SLC7A2: variants seen among roughly 807,000 people sequenced by gnomAD.
SLC7A2 encodes the protein solute carrier family 7 member 2.
Under a neutral mutation model 58.9 loss-of-function variants are expected in SLC7A2, and 48 were observed. The ratio of observed to expected loss-of-function variants is 0.82; its 90% confidence interval spans 0.65 to 1.04. The LOEUF (loss-of-function observed/expected upper bound fraction) is 1.04, where lower values mean the gene tolerates loss of function less well. Among genes scored for constraint, SLC7A2 ranks in the 50% least tolerant of loss-of-function variants. The pLI, the probability that SLC7A2 is intolerant of heterozygous loss-of-function variation, is 0.00. For missense variants in SLC7A2, 1,029 were observed against 818.8 expected (o/e 1.26, Z -3.13); for synonymous variants, 363 against 314.5 (o/e 1.15, Z -1.63).
chr8:17,532,588 T>C (rs1363964132), intron 2 of SLC7A2, among the ~76,000 whole-genome samples: 1 of 152,132 alleles, frequency 6.6e-6, no homozygotes, highest in Non-Finnish European at 1.5e-5. Context: ...AGCTAATAAG[T>C]TGAATTCAGT....
intron 2 of SLC7A2, among the ~76,000 whole-genome samples, chr8:17,524,163 A>G (rs1315404032): frequency 6.6e-6 from 1 of 152,222 alleles, no homozygotes; most frequent in East Asian, 1.9e-4. Context: ...GTGGGAATGT[A>G]AACTAGTACA....
chr8:17,532,242 A>ACAAAAAAAAAC (rs1453559295), intron 2 of SLC7A2, among the ~76,000 whole-genome samples: 1 of 111,498 alleles, frequency 9.0e-6, no homozygotes, highest in African/African-American at 3.2e-5. Flanking sequence ...AAAAAAAAAA[A>ACAAAAAAAAAC]AAAAAAAAAA....
rs543769921 is a variant in SLC7A2, at chr8:17,570,169, G to A, written c.*5023G>A. The A allele has an allele frequency of 6.6e-6, 1 of 152,344 alleles. No individual in the cohort carries two copies. The highest frequency in any genetic ancestry group is 2.4e-5 in the African/African-American group (1 of 41,572). The allele number at this position is 152,344 out of a possible 1,614,324, so 9.4% of individuals were successfully genotyped here. On this transcript the variant is annotated 3_prime_UTR_variant, in exon 13 of 13. Transcript: ENST00000494857. ...GTGCCACGTGTCTCACCAAGACCCA[G>A]TTGGGAAAGAGCGTCATATTGCCAA...
chr8:17,558,550 G>A (rs762722184), intron 9 of SLC7A2, among the ~76,000 whole-genome samples, 153 bp downstream of exon 9: 2 of 152,212 alleles, frequency 1.3e-5, no homozygotes, highest in African/African-American at 4.8e-5. Context: ...AGTGGAAGAA[G>A]CGTATCTGGT....
At position 17,544,438 on chromosome 8, in the gene SLC7A2, C is replaced by T; in HGVS notation, c.377-13C>T. Reference sequence around the variant, plus strand: ...CCCCAGTGACTTCGTATTCTCTGTTCTGTTTTGGGAAGGTACATCAAGTGT... The same window carrying T: ...CCCCAGTGACTTCGTATTCTCTGTTTTGTTTTGGGAAGGTACATCAAGTGT... On this transcript the variant is annotated splice_polypyrimidine_tract_variant and intron_variant, in intron 3 of 12. Transcript: ENST00000494857. 6.2e-7 allele frequency: 1 copy of T among 1,610,944 alleles called. No individual in the cohort carries two copies. The highest frequency in any genetic ancestry group is 8.5e-7 in the Non-Finnish European group (1 of 1,178,292).
chr8:17,495,694 C>T (rs529824745), upstream of SLC7A2, among the ~76,000 whole-genome samples: 1 of 152,268 alleles, frequency 6.6e-6, no homozygotes, highest in South Asian at 2.1e-4. Flanking sequence ...GGGTTACAGG[C>T]GCCCGCCGCC....
In SLC7A2 at chr8:17,560,350, G is replaced by T. The variant is rs778366067; in HGVS notation, c.1321G>T (p.Asp441Tyr). The stretch of plus-strand genomic sequence containing the variant: ...TAGGTACCAGCCTGGCTTATCTTAC[G>T]ACCAGCCCAAATGTTCTCCTGAGAA... ...ILRYQPGLSY[D>Y]QPKCSPEKDG... is the part of the protein sequence containing the mutation. The change falls in exon 10 of 13, where the codon GAC becomes TAC. Residue 441 changes from aspartate to tyrosine, a missense_variant. Asp to Tyr is a radical substitution (Grantham distance 160). Transcript: ENST00000494857. 2 of 1,613,924 alleles carry T rather than the reference G, an allele frequency of 1.2e-6. No individual in the cohort carries two copies. Among genetic ancestry groups the T allele is most frequent in the South Asian group, 2.2e-5 (2 of 91,022 alleles).
intron 2 of SLC7A2, among the ~76,000 whole-genome samples, chr8:17,537,875 T>G (rs1375928418): frequency 6.6e-6 from 1 of 152,310 alleles, no homozygotes; most frequent in Non-Finnish European, 1.5e-5. Context: ...TTTGCTTTCT[T>G]CATTTCAAGT....
upstream of SLC7A2, among the ~76,000 whole-genome samples, chr8:17,494,225 G>T (rs1005329873): frequency 6.6e-6 from 1 of 152,178 alleles, no homozygotes; most frequent in Non-Finnish European, 1.5e-5. Flanking sequence ...TTGTGGACAT[G>T]AGATTTACTT....
chr8:17,551,489 C>T (rs151040016), intron 6 of SLC7A2, among the ~76,000 whole-genome samples: 1,531 of 152,074 alleles, frequency 0.01, 19 homozygotes, highest in African/African-American at 0.035. Context: ...CCCAGCTACT[C>T]GGGAGGCTGA....
At chr8:17,534,867 C>T (rs1429556868) in intron 2 of SLC7A2, among the ~76,000 whole-genome samples, 1 of 152,008 alleles carries the variant, frequency 6.6e-6, no homozygotes, top group Non-Finnish European at 1.5e-5. Context: ...GTCTACAAAT[C>T]CGTGTGTCCC....
chr8:17,496,120 C>G (rs529912696), upstream of SLC7A2, among the ~76,000 whole-genome samples: 1 of 152,108 alleles, frequency 6.6e-6, no homozygotes, highest in Admixed American at 6.5e-5. Flanking sequence ...TAAAGTGGAC[C>G]TTTCTGTCAA....
intron 7 of SLC7A2, 24 bp from the exon 8 acceptor site, chr8:17,554,536 T>G: frequency 6.4e-7 from 1 of 1,569,668 alleles, no homozygotes; most frequent in Non-Finnish European, 8.6e-7. Context: ...TTTGCCATAC[T>G]GCATGTGTTT....
chr8:17,512,143 C>T (rs6586608), intron 2 of SLC7A2, among the ~76,000 whole-genome samples: 102,795 of 151,940 alleles, frequency 0.68, 34,974 homozygotes, highest in South Asian at 0.74. Flanking sequence ...GAACGTATAT[C>T]GTATGTCAGG....
At chr8:17,504,569 T>C (rs1030755236) in intron 2 of SLC7A2, among the ~76,000 whole-genome samples, 4 of 152,228 alleles carry the variant, frequency 2.6e-5, no homozygotes, top group Non-Finnish European at 5.9e-5. Context: ...TGTATTTCTA[T>C]ATGCATTCCT....
At chr8:17,555,490 T>A (rs890100017) in intron 8 of SLC7A2, among the ~76,000 whole-genome samples, 3 of 152,196 alleles carry the variant, frequency 2.0e-5, no homozygotes, top group Non-Finnish European at 4.4e-5. Context: ...ATGATTCAAT[T>A]TTTTGGTCTA....
intron 1 of SLC7A2, chr8:17,500,730 G>C (rs1034420843): frequency 9.2e-5 from 14 of 152,160 alleles, no homozygotes; most frequent in African/African-American, 3.4e-4. Context: ...TGGAGGTTTC[G>C]GTGAGCCGAG....
chr8:17,552,064 T>C, intron 7 of SLC7A2, 78 bp downstream of exon 7: 5 of 1,153,050 alleles, frequency 4.3e-6, no homozygotes, highest in Non-Finnish European at 6.4e-6. Flanking sequence ...TGCTTTTGTC[T>C]GTTTAAAAAG....
intron 2 of SLC7A2, among the ~76,000 whole-genome samples, chr8:17,540,901 A>G (rs976698323): frequency 1.3e-5 from 2 of 152,176 alleles, no homozygotes; most frequent in Non-Finnish European, 2.9e-5. Flanking sequence ...CTCTTTAAAT[A>G]TGCAATAGTC....
Sources: allele counts gnomAD v4.1 joint callset (sites outside exome capture counted in the v4.1 genomes callset), GRCh38; gene constraint gnomAD v4.1.1; transcripts MANE v1.5; gene names NCBI Gene and HGNC (gene_info 2026-07-23, HGNC 2026-07-21).